TENM3: variants seen among roughly 807,000 people sequenced by gnomAD.
TENM3 encodes the protein teneurin-3.
A neutral mutation model predicts 255.1 loss-of-function variants in TENM3; 63 were observed. The observed-to-expected ratio is 0.25, with a 90% CI of 0.20 to 0.30. The LOEUF (loss-of-function observed/expected upper bound fraction) is 0.30. Ranked by LOEUF, TENM3 falls within the 10% of genes least tolerant of loss-of-function variation. TENM3 has a pLI of 1.00. For missense variants in TENM3, 2,929 were observed against 3,461.1 expected, an observed-to-expected ratio of 0.85 and a Z score of 3.86; for synonymous variants, 1,306 against 1,322.3, an observed-to-expected ratio of 0.99 and a Z score of 0.27.
the TENM3 span, among the ~76,000 whole-genome samples, chr4:181,847,568 ATAACATAT>A: frequency 6.6e-6 from 1 of 152,114 alleles, no homozygotes; most frequent in East Asian, 1.9e-4. Flanking sequence ...TATATTGATC[ATAACATAT>A]TATATAACAT....
chr4:182,177,501 A>C (rs774291296), intron 1 of TENM3, among the ~76,000 whole-genome samples: 3 of 151,878 alleles, frequency 2.0e-5, no homozygotes, highest in African/African-American at 7.3e-5. Context: ...TCTGCTATGG[A>C]ACCACCCTGA....
the TENM3 span, among the ~76,000 whole-genome samples, chr4:182,080,096 T>G: frequency 2.6e-5 from 4 of 152,198 alleles, no homozygotes; most frequent in African/African-American, 7.2e-5. Flanking sequence ...GGAGCTTGAA[T>G]AGTGAGCTCT....
chr4:182,237,377 T>C (rs1390185290), intron 1 of TENM3, among the ~76,000 whole-genome samples: 1 of 151,830 alleles, frequency 6.6e-6, no homozygotes, highest in Non-Finnish European at 1.5e-5. Context: ...TCTGTTTTCT[T>C]TTTTTTGAAA....
rs142058089 is a variant in TENM3, at chr4:182,245,175, T to C, written c.-76+1699T>C. On this transcript the variant is annotated intron_variant, in intron 1 of 27. Coordinates refer to ENST00000511685, the MANE Select transcript of TENM3 (RefSeq NM_001080477.4). The stretch of plus-strand genomic sequence containing the variant: ...TCTCTTTTTGCCCAGGATGGGATCA[T>C]TGGGTGAGTTTACTTAATCCATGGG... Among the ~76,000 whole-genome samples the C allele has an allele frequency of 4.5e-3, 684 of 152,278 alleles. 4 individuals are homozygous for C. Among genetic ancestry groups the C allele is most frequent in the African/African-American group, 0.016 (664 of 41,554 alleles).
intron 1 of TENM3, chr4:182,190,334 G>T (rs551472913): frequency 1.3e-5 from 2 of 152,318 alleles, no homozygotes; most frequent in African/African-American, 4.8e-5. Flanking sequence ...AGAAAACTGT[G>T]TGTAAAAATC....
At chr4:182,182,254 T>C (rs1416279238) in intron 1 of TENM3, among the ~76,000 whole-genome samples, 5 of 152,216 alleles carry the variant, frequency 3.3e-5, no homozygotes, top group African/African-American at 1.2e-4. Flanking sequence ...TATTCTATGA[T>C]GCCAATAGAA....
intron 4 of TENM3, among the ~76,000 whole-genome samples, chr4:182,615,078 T>C (rs6823049): frequency 0.18 from 26,831 of 145,154 alleles, 2,981 homozygotes; most frequent in South Asian, 0.29. Context: ...TATTTTTTTT[T>C]TCTTCTCCAA....
intron 3 of TENM3, among the ~76,000 whole-genome samples, chr4:182,536,053 T>G (rs1189576435): frequency 6.6e-6 from 1 of 152,214 alleles, no homozygotes; most frequent in Non-Finnish European, 1.5e-5. Flanking sequence ...AAACTCCAAA[T>G]GGGAATTGAG....
chr4:181,598,930 A>G, the TENM3 span, among the ~76,000 whole-genome samples: 1 of 152,192 alleles, frequency 6.6e-6, no homozygotes, highest in East Asian at 1.9e-4. Context: ...AATTTTGATG[A>G]AAACAAAATT....
intron 3 of TENM3, among the ~76,000 whole-genome samples, chr4:182,365,095 A>C (rs1014095520): frequency 7.9e-5 from 12 of 152,194 alleles, no homozygotes; most frequent in African/African-American, 2.9e-4. Context: ...TAAATTTTTG[A>C]CAATTGGACC....
At chr4:182,490,741 C>G (rs1735219423) in intron 3 of TENM3, among the ~76,000 whole-genome samples, 1 of 34,924 alleles carries the variant, frequency 2.9e-5, no homozygotes, top group Admixed American at 3.0e-4. Flanking sequence ...AGGGACTTGG[C>G]AACCTTGGTG....
At chr4:181,697,602 CA>C in the TENM3 span, among the ~76,000 whole-genome samples, 2 of 151,992 alleles carry the variant, frequency 1.3e-5, no homozygotes, top group African/African-American at 2.4e-5. Flanking sequence ...CCATGTTAGA[CA>C]GGATGGTCTC....
At chr4:182,052,281 C>T in the TENM3 span, among the ~76,000 whole-genome samples, 1 of 152,000 alleles carries the variant, frequency 6.6e-6, no homozygotes, top group African/African-American at 2.4e-5. Flanking sequence ...ATCAAAGAGC[C>T]CAGCTAGATT....
rs1579521313 is a variant in TENM3 at position 182,789,699 on chromosome 4, G to T, written c.5601+310G>T. On this transcript the variant is annotated intron_variant, in intron 25 of 27. Coordinates refer to ENST00000511685, the MANE Select transcript of TENM3 (RefSeq NM_001080477.4). The surrounding 1 kb of genome is among the most constrained non-coding windows in gnomAD (Gnocchi z 4.4). ...CATTCACAAATTAGACCTTGAGCGT[G>T]TAAGTCGCTTGTAAATAATTTTCGT... Among the ~76,000 whole-genome samples the T allele has an allele frequency of 6.6e-6, 1 of 152,244 alleles. No individual in the cohort carries two copies. Among genetic ancestry groups the T allele is most frequent in the East Asian group, 1.9e-4 (1 of 5,198 alleles).
At chr4:181,570,291 C>T in the TENM3 span, among the ~76,000 whole-genome samples, 2 of 151,932 alleles carry the variant, frequency 1.3e-5, no homozygotes, top group African/African-American at 2.4e-5. Flanking sequence ...ATGATCCACC[C>T]GCCTCGGCCT....
the TENM3 span, among the ~76,000 whole-genome samples, chr4:181,639,807 A>C: frequency 4.6e-5 from 7 of 152,078 alleles, no homozygotes; most frequent in African/African-American, 1.7e-4. Context: ...GTGACACTAC[A>C]CACTCCTGAT....
chr4:181,521,946 A>T, the TENM3 span, among the ~76,000 whole-genome samples: 1 of 151,780 alleles, frequency 6.6e-6, no homozygotes, highest in East Asian at 1.9e-4. Context: ...AAAAAAAAAT[A>T]AAAAATTAGC....
chr4:181,745,455 A>G, the TENM3 span, among the ~76,000 whole-genome samples: 1 of 152,334 alleles, frequency 6.6e-6, no homozygotes, highest in African/African-American at 2.4e-5. Context: ...ATGTTTTAAA[A>G]TTGTTATATT....
At chr4:181,605,546 GAAA>G in the TENM3 span, among the ~76,000 whole-genome samples, 101 of 27,356 alleles carry the variant, frequency 3.7e-3, 7 homozygotes, top group African/African-American at 7.7e-3. Flanking sequence ...AAGAAAGAAA[GAAA>G]GAAAGAAAGA....
Sources: allele counts gnomAD v4.1 joint callset (sites outside exome capture counted in the v4.1 genomes callset), GRCh38; gene constraint gnomAD v4.1.1; non-coding constraint Gnocchi (gnomAD v3.1); transcripts MANE v1.5; gene names NCBI Gene and HGNC (gene_info 2026-07-23, HGNC 2026-07-21).